The following PCNX1 variants were observed in gnomAD, a reference collection of about 807,000 sequenced individuals.
PCNX1 encodes the protein pecanex-like protein 1.
PCNX1 carries 78 observed loss-of-function variants against 242.2 expected under a neutral mutation model. The observed-to-expected ratio is 0.32, with a 90% CI of 0.27 to 0.39. The LOEUF (loss-of-function observed/expected upper bound fraction) is 0.39. Among genes scored for constraint, PCNX1 ranks in the 10% least tolerant of loss-of-function variants. The probability of loss-of-function intolerance (pLI) is 1.00; values close to 1 mark genes in which losing one functional copy is unlikely to be tolerated. For missense variants in PCNX1, 2,581 were observed against 2,856.5 expected (o/e 0.90, Z 2.20); for synonymous variants, 1,024 against 1,032.9 (o/e 0.99, Z 0.17).
chr14:70,945,505 AATT>A (rs1225658792), intron 1 of PCNX1, among the ~76,000 whole-genome samples: 1 of 151,790 alleles, frequency 6.6e-6, no homozygotes, highest in African/African-American at 2.4e-5. Flanking sequence ...CTCAACACAA[AATT>A]ATTAATTTGT....
chr14:70,993,125 T>TA (rs567742573), intron 7 of PCNX1, among the ~76,000 whole-genome samples: 10 of 37,520 alleles, frequency 2.7e-4, no homozygotes, highest in African/African-American at 2.1e-3. Context: ...TCTAAATTAA[T>TA]TTTTTTTTTT....
chr14:71,048,259 A>T (rs2060921060), intron 22 of PCNX1, among the ~76,000 whole-genome samples: 1 of 152,200 alleles, frequency 6.6e-6, no homozygotes, highest in African/African-American at 2.4e-5. Flanking sequence ...AGAATCTCTC[A>T]AAAGGTATAT....
Position 70,937,486 on chromosome 14 carries a change from G to C in PCNX1, c.154-9429G>C, listed in dbSNP as rs139677843. 3.3e-5 allele frequency among the ~76,000 whole-genome samples: 5 copies of C among 152,158 alleles called. No individual in the cohort carries two copies. In the East Asian group the frequency reaches 9.7e-4, roughly 29 times the overall value. On this transcript the variant is annotated intron_variant, in intron 1 of 35. Coordinates refer to ENST00000304743, the MANE Select transcript of PCNX1 (RefSeq NM_014982.3). The stretch of plus-strand genomic sequence containing the variant: ...TCTGAGGGCTCTGTTCTGTTCCATC[G>C]GTCTATATCTCTGTTTTGGTACCAG...
chr14:71,065,112 A>G (rs1368663794), intron 26 of PCNX1, among the ~76,000 whole-genome samples: 2 of 152,238 alleles, frequency 1.3e-5, no homozygotes, highest in Non-Finnish European at 2.9e-5. Flanking sequence ...AGAATGACTT[A>G]TAATCCTTTG....
intron 9 of PCNX1, among the ~76,000 whole-genome samples, chr14:71,010,687 A>C (rs996918881): frequency 6.6e-6 from 1 of 152,022 alleles, no homozygotes; most frequent in Non-Finnish European, 1.5e-5. Context: ...ATTCTTGATT[A>C]ATTAGTTTTC....
At chr14:70,943,856 G>A (rs1443945690) in intron 1 of PCNX1, among the ~76,000 whole-genome samples, 1 of 152,212 alleles carries the variant, frequency 6.6e-6, no homozygotes, top group African/African-American at 2.4e-5. Flanking sequence ...GTTAAAAGGG[G>A]CCAATGTGCA....
intron 26 of PCNX1, among the ~76,000 whole-genome samples, chr14:71,064,083 A>G (rs2061389506): frequency 1.3e-5 from 2 of 152,070 alleles, no homozygotes; most frequent in South Asian, 4.2e-4. Flanking sequence ...CCTTATTTTC[A>G]TGATTGTTTG....
intron 5 of PCNX1, among the ~76,000 whole-genome samples, chr14:70,971,864 G>C (rs2058551747): frequency 6.6e-6 from 1 of 152,190 alleles, no homozygotes; most frequent in African/African-American, 2.4e-5. Context: ...GGCTGGCTCA[G>C]AGTAAGTGAA....
At chr14:71,071,076 T>A (rs1566773679) in intron 26 of PCNX1, among the ~76,000 whole-genome samples, 1 of 152,242 alleles carries the variant, frequency 6.6e-6, no homozygotes, top group Non-Finnish European at 1.5e-5. Flanking sequence ...TTAAACCTCA[T>A]GACCCAATCT....
At chr14:70,961,247 G>A (rs377617869) in intron 2 of PCNX1, among the ~76,000 whole-genome samples, 15 of 152,074 alleles carry the variant, frequency 9.9e-5, no homozygotes, top group Admixed American at 2.0e-4. Flanking sequence ...GAGGCGTCAC[G>A]CTACCTGACT....
chr14:71,039,771 A>C (rs2060653288), intron 19 of PCNX1, among the ~76,000 whole-genome samples: 1 of 152,182 alleles, frequency 6.6e-6, no homozygotes, highest in Admixed American at 6.6e-5. Flanking sequence ...ATTCCAGTAC[A>C]GTTGGAAGTC....
At position 71,109,494 on chromosome 14, in the gene PCNX1, A is replaced by G. The variant is rs376272318; in HGVS notation, c.6787A>G (p.Lys2263Glu). Residue 2263 changes from lysine (K) to glutamate (E), a missense_variant, in exon 35 of 36, where the codon AAA (lysine) becomes GAA (glutamate). Around this residue, in one of 9 missense-constraint regions of PCNX1, gnomAD observed 432 missense variants for 433.6 expected, o/e 1.00. Coordinates refer to ENST00000304743, the MANE Select transcript of PCNX1 (RefSeq NM_014982.3). ...SQILEGINLS[K>E]RKELQWPDEG... is the part of the protein sequence containing the mutation. Reference sequence around the variant, plus strand: ...AATTCTGGAAGGGATCAACCTGTCTAAAAGGAAAGAGCTACAGTGGCCTGA... The same window carrying G: ...AATTCTGGAAGGGATCAACCTGTCTGAAAGGAAAGAGCTACAGTGGCCTGA... 32 of 1,613,642 alleles carry G rather than the reference A, an allele frequency of 2.0e-5. No individual in the cohort carries two copies. Among genetic ancestry groups the G allele is most frequent in the Non-Finnish European group, 2.6e-5 (31 of 1,179,634 alleles).
rs2062729334 is a variant in PCNX1, at chr14:71,110,211, A to G, written c.*276A>G. ...AAGTTCTGTTAAAATACATCCTTAA[A>G]AAAAGTTTTTCCTATGCATTGCCTA... On this transcript the variant is annotated 3_prime_UTR_variant, in exon 36 of 36. Transcript: ENST00000304743. 2.3e-6 allele frequency: 1 copy of G among 435,448 alleles called. No individual in the cohort carries two copies. The highest frequency in any genetic ancestry group is 4.2e-6 in the Non-Finnish European group (1 of 235,852). 27.0% of individuals were successfully genotyped at this position (435,448 alleles called of 1,614,324 possible). A position where few individuals can be genotyped will look rare whatever the true frequency, so the allele number is the denominator to read the frequency against.
chr14:71,056,329 A>C (rs1248323894), intron 25 of PCNX1, among the ~76,000 whole-genome samples: 1 of 152,196 alleles, frequency 6.6e-6, no homozygotes, highest in African/African-American at 2.4e-5. Flanking sequence ...TCTGGTAGAG[A>C]AAATAAGCAT....
At position 71,080,433 on chromosome 14, in the gene PCNX1, G is replaced by T. The variant is rs28793135; in HGVS notation, c.5337+4014G>T. Among the ~76,000 whole-genome samples, 1,268 of 152,226 alleles carry T rather than the reference G, an allele frequency of 8.3e-3. 10 individuals are homozygous for T. Among genetic ancestry groups the T allele is most frequent in the African/African-American group, 0.029 (1,194 of 41,520 alleles). ...AGCAAGTCTGTGGTAGCTTGATGGG[G>T]ATAGCATTGAATCTGTAAATTACTT... On this transcript the variant is annotated intron_variant, in intron 28 of 35. Coordinates refer to ENST00000304743, the MANE Select transcript of PCNX1 (RefSeq NM_014982.3).
rs1023986328 is a variant in PCNX1, at chr14:71,113,577, G to A, written c.*3642G>A. 3 of 152,576 alleles carry A rather than the reference G, an allele frequency of 2.0e-5. No homozygotes were observed. Among genetic ancestry groups the A allele is most frequent in the Non-Finnish European group, 2.9e-5 (2 of 68,026 alleles). The allele number at this position is 152,576 out of a possible 1,614,324, so 9.5% of individuals were successfully genotyped here. On this transcript the variant is annotated 3_prime_UTR_variant, in exon 36 of 36. Transcript: ENST00000304743. ...GCCTCTGCTTAGCAGCTCTGCATTT[G>A]GTGGATTGCTGTTGTGAGTCATTCA...
At chr14:71,089,722 G>A (rs1272072914) in intron 30 of PCNX1, among the ~76,000 whole-genome samples, 2 of 152,068 alleles carry the variant, frequency 1.3e-5, no homozygotes, top group East Asian at 3.9e-4. Flanking sequence ...GGACACGTGG[G>A]GATTATGGGA....
intron 2 of PCNX1, among the ~76,000 whole-genome samples, chr14:70,948,901 G>A (rs1275448575): frequency 5.5e-5 from 8 of 146,348 alleles, no homozygotes; most frequent in South Asian, 2.2e-4. Context: ...ACACACATAC[G>A]TGTATATACG....
intron 2 of PCNX1, among the ~76,000 whole-genome samples, chr14:70,952,564 G>A (rs553041828): frequency 4.7e-4 from 71 of 151,166 alleles, no homozygotes; most frequent in Non-Finnish European, 6.6e-4. Context: ...CATACAGTAT[G>A]CATTTCTCTA....
Sources: gnomAD v4.1 joint callset for allele counts (sites outside exome capture counted in the v4.1 genomes callset) on GRCh38, gnomAD v4.1.1 for gene constraint, gnomAD v4.1.1 regional missense constraint, MANE v1.5 for transcripts, NCBI Gene and HGNC (gene_info 2026-07-23, HGNC 2026-07-21) for gene names.